KDM3A: variants seen among roughly 807,000 people sequenced by gnomAD.
KDM3A encodes lysine-specific demethylase 3A.
A neutral mutation model predicts 158.0 loss-of-function variants in KDM3A; 60 were observed. That is an observed-to-expected ratio of 0.38 (90% CI 0.31 to 0.47). The LOEUF is 0.47. KDM3A is among the 20% of genes least tolerant of loss of function. The pLI is 0.99. For missense variants in KDM3A, 1,319 were observed against 1,574.3 expected (o/e 0.84, Z 2.74); for synonymous variants, 608 against 549.3 (o/e 1.11, Z -1.49).
chr2:86,445,085 A>G (rs1682900877), intron 2 of KDM3A, among the ~76,000 whole-genome samples: 3 of 152,344 alleles, frequency 2.0e-5, no homozygotes, highest in Admixed American at 6.5e-5. Context: ...AAATAACTTG[A>G]GTTTGTCTCC....
chr2:86,459,819 G>A (rs1163996137), intron 8 of KDM3A, among the ~76,000 whole-genome samples: 2 of 152,082 alleles, frequency 1.3e-5, no homozygotes, highest in African/African-American at 4.8e-5. Context: ...CTATTGAGCT[G>A]ATTGTTGGGC....
intron 11 of KDM3A, 79 bp from the exon 12 acceptor site, chr2:86,474,697 T>A: frequency 5.1e-6 from 3 of 591,526 alleles, no homozygotes; most frequent in Non-Finnish European, 7.8e-6. Context: ...AAGTTGTAAA[T>A]AAGTTGTGTG....
chr2:86,482,140 TGAA>T (rs776119681), intron 17 of KDM3A, 38 bp downstream of exon 17: 1 of 1,590,912 alleles, frequency 6.3e-7, no homozygotes, highest in African/African-American at 1.3e-5. Context: ...GTTTTAAAGT[TGAA>T]GACAGAACAG....
intron 16 of KDM3A, among the ~76,000 whole-genome samples, chr2:86,481,089 G>T (rs1673905548): frequency 6.6e-6 from 1 of 152,100 alleles, no homozygotes; most frequent in Admixed American, 6.6e-5. Flanking sequence ...AAATGTAGAA[G>T]AATCATGGGA....
chr2:86,463,963 T>C, intron 8 of KDM3A, 90 bp from the exon 9 acceptor site: 1 of 926,714 alleles, frequency 1.1e-6, no homozygotes, highest in Non-Finnish European at 1.6e-6. Context: ...GTTTGTTTAG[T>C]ATTAAGCAAA....
upstream of KDM3A, among the ~76,000 whole-genome samples, chr2:86,438,393 TAGAC>T (rs780396093): frequency 1.9e-4 from 29 of 152,038 alleles, no homozygotes; most frequent in Admixed American, 4.6e-4. Flanking sequence ...AAATTTCAGT[TAGAC>T]AGGAGGAATA....
chr2:86,482,572 C>T lies in KDM3A; in HGVS notation c.2800C>T (p.Pro934Ser), dbSNP rs745654017. Reference sequence around the variant, plus strand: ...GAGGCCTCAAGGACTAACCATCAAGCCCAGCATTCTGGGCTTTGACACTCC... The same window carrying T: ...GAGGCCTCAAGGACTAACCATCAAGTCCAGCATTCTGGGCTTTGACACTCC... ...SKRPQGLTIKPSILGFDTPHY... is the reference protein window; with the variant it reads ...SKRPQGLTIKSSILGFDTPHY... Residue 934 changes from proline to serine, a missense_variant, in exon 18 of 26, where the codon CCC becomes TCC. Pro to Ser is a moderately conservative substitution (Grantham distance 74). Around this residue, in one of 4 missense-constraint regions of KDM3A, gnomAD observed 368 missense variants for 415.8 expected, o/e 0.89. Coordinates refer to ENST00000312912, the MANE Select transcript of KDM3A (RefSeq NM_018433.6). 1 of 1,613,980 alleles carries T rather than the reference C, an allele frequency of 6.2e-7. No individual in the cohort carries two copies. The highest frequency in any genetic ancestry group is 2.2e-5 in the East Asian group (1 of 44,894).
At chr2:86,460,016 C>T (rs988669481) in intron 8 of KDM3A, among the ~76,000 whole-genome samples, 1 of 152,120 alleles carries the variant, frequency 6.6e-6, no homozygotes, top group African/African-American at 2.4e-5. Flanking sequence ...TTCAGAAGTT[C>T]TTGAAAATAT....
In KDM3A at chr2:86,454,929, T is replaced by G. The variant is rs143285228; in HGVS notation, c.454-156T>G. 3.8e-4 allele frequency among the ~76,000 whole-genome samples: 58 copies of G among 152,358 alleles called. No homozygotes were observed. The East Asian group carries it at 9.1e-3, about 24-fold the overall frequency. ...TGATGGTCTAGGACTTTTTGAGCCATCTGGTTTACTGGAATTGGAATGATT... is the reference window on the plus strand; with the variant it reads ...TGATGGTCTAGGACTTTTTGAGCCAGCTGGTTTACTGGAATTGGAATGATT... On this transcript the variant is annotated intron_variant, in intron 4 of 25. Coordinates refer to ENST00000312912, the MANE Select transcript of KDM3A (RefSeq NM_018433.6).
At chr2:86,468,809 G>A (rs1673273433) in intron 10 of KDM3A, among the ~76,000 whole-genome samples, 1 of 152,134 alleles carries the variant, frequency 6.6e-6, no homozygotes, top group Admixed American at 6.5e-5. Flanking sequence ...AGTGGGCGTT[G>A]CATTTTTCTC....
Position 86,482,812 on chromosome 2 carries a change from T to C in KDM3A, c.2922+118T>C, listed in dbSNP as rs574503829. On this transcript the variant is annotated intron_variant, in intron 18 of 25. Transcript: ENST00000312912. Reference sequence around the variant, plus strand: ...CTCCTTCACCTCCTGTTTTATTCTTTATTGTTTCAGGTGAATATAATCAGG... The same window carrying C: ...CTCCTTCACCTCCTGTTTTATTCTTCATTGTTTCAGGTGAATATAATCAGG... 4.2e-5 allele frequency: 39 copies of C among 923,792 alleles called. No individual in the cohort carries two copies. In the African/African-American group the frequency reaches 6.3e-4, roughly 15 times the overall value. 57.2% of individuals were successfully genotyped at this position (923,792 alleles called of 1,614,324 possible).
At chr2:86,437,087 AC>A (rs1682504939), upstream of KDM3A, among the ~76,000 whole-genome samples, 1 of 152,100 alleles carries the variant, frequency 6.6e-6, no homozygotes, top group African/African-American at 2.4e-5. Context: ...ATTTTGATCT[AC>A]CTGGAACTTA....
intron 12 of KDM3A, among the ~76,000 whole-genome samples, chr2:86,477,209 T>C (rs755404377): frequency 3.3e-5 from 5 of 152,188 alleles, no homozygotes; most frequent in African/African-American, 1.2e-4. Context: ...CTGCTGGATG[T>C]TTGGTTAGTG....
At chr2:86,491,739 G>A (rs1157693899) in intron 25 of KDM3A, 2 of 359,124 alleles carry the variant, frequency 5.6e-6, no homozygotes, top group Non-Finnish European at 1.0e-5. Flanking sequence ...GAAAATAAGG[G>A]AAAAATGATA....
chr2:86,479,266 G>C (rs1197511610), intron 15 of KDM3A: 1 of 152,476 alleles, frequency 6.6e-6, no homozygotes, highest in Non-Finnish European at 1.5e-5. Context: ...TGTACGTCTT[G>C]CTGTCCCTTC....
intron 11 of KDM3A, among the ~76,000 whole-genome samples, chr2:86,471,672 T>C (rs944354182): frequency 7.2e-5 from 11 of 152,222 alleles, no homozygotes; most frequent in Admixed American, 3.3e-4. Context: ...TTTAGATCAT[T>C]ATATCTGTGC....
chr2:86,476,690 G>A (rs1036188392), intron 12 of KDM3A, among the ~76,000 whole-genome samples: 3 of 152,220 alleles, frequency 2.0e-5, no homozygotes, highest in Non-Finnish European at 2.9e-5. Flanking sequence ...TAATCCAGGT[G>A]TCCAAGATGA....
intron 8 of KDM3A, 31 bp from the exon 9 acceptor site, chr2:86,464,021 CT>C: frequency 6.8e-7 from 1 of 1,460,266 alleles, no homozygotes; most frequent in Non-Finnish European, 9.2e-7. Flanking sequence ...TAGGGACTTC[CT>C]TTTAATATCT....
At chr2:86,440,502 C>G (rs1682638490), upstream of KDM3A, 1 of 152,228 alleles carries the variant, frequency 6.6e-6, no homozygotes, top group South Asian at 2.1e-4. Context: ...TCTCTTTCAT[C>G]TCTTCCATCA....
Sources: gnomAD v4.1 joint callset for allele counts (sites outside exome capture counted in the v4.1 genomes callset) on GRCh38, gnomAD v4.1.1 for gene constraint, gnomAD v4.1.1 regional missense constraint, MANE v1.5 for transcripts, NCBI Gene and HGNC (gene_info 2026-07-23, HGNC 2026-07-21) for gene names.